Variants in FOXN3 observed in about 807,000 individuals in gnomAD.
FOXN3 encodes forkhead box protein N3.
In FOXN3, 7 loss-of-function variants were observed where a neutral mutation model predicts 38.4. The observed-to-expected ratio is 0.18, with a 90% CI of 0.10 to 0.34. The LOEUF is 0.34. Ranked by LOEUF, FOXN3 falls within the 10% of genes least tolerant of loss-of-function variation. FOXN3 has a pLI of 1.00. For missense variants in FOXN3, 456 were observed against 613.4 expected, an observed-to-expected ratio of 0.74 and a Z score of 2.71; for synonymous variants, 230 against 242.2, an observed-to-expected ratio of 0.95 and a Z score of 0.47.
At chr14:89,370,424 A>G (rs1177523158) in intron 2 of FOXN3, among the ~76,000 whole-genome samples, 1 of 152,236 alleles carries the variant, frequency 6.6e-6, no homozygotes, top group Non-Finnish European at 1.5e-5. Context: ...AGCCCTCTAG[A>G]AATATTTTCA....
chr14:89,212,491 C>A lies in FOXN3; in HGVS notation c.746-31685G>T, dbSNP rs367721509. 3.3e-5 allele frequency among the ~76,000 whole-genome samples: 5 copies of A among 152,290 alleles called. No homozygotes were observed. The East Asian group carries it at 5.8e-4, about 18-fold the overall frequency. On this transcript the variant is annotated intron_variant, in intron 4 of 5. Coordinates refer to ENST00000557258, the MANE Select transcript of FOXN3 (RefSeq NM_005197.4). ...GTTTTCCTGCCGTGACCTCCCAGTG[C>A]CCATTCTCCAGTGCCTGGGTGTCAA...
At chr14:89,189,294 T>C (rs372286729) in intron 4 of FOXN3, among the ~76,000 whole-genome samples, 1 of 152,148 alleles carries the variant, frequency 6.6e-6, no homozygotes, top group African/African-American at 2.4e-5. Flanking sequence ...CTGTGTGAAG[T>C]AGCATCCACT....
intron 1 of FOXN3, among the ~76,000 whole-genome samples, chr14:89,585,764 A>AG (rs1430973690): frequency 1.3e-5 from 2 of 151,818 alleles, no homozygotes; most frequent in African/African-American, 4.8e-5. Flanking sequence ...CTAGAAAAAA[A>AG]AAAAAAAAGA....
intron 1 of FOXN3, among the ~76,000 whole-genome samples, chr14:89,433,214 T>C (rs1165215938): frequency 1.3e-5 from 2 of 151,956 alleles, no homozygotes; most frequent in African/African-American, 4.8e-5. Context: ...CTGGGCACGG[T>C]GGCTCACACC....
chr14:89,317,900 T>C (rs546653681), intron 3 of FOXN3, among the ~76,000 whole-genome samples: 54 of 149,610 alleles, frequency 3.6e-4, no homozygotes, highest in African/African-American at 1.3e-3. Context: ...ACTGCACATG[T>C]GAGGGATCTA....
intron 2 of FOXN3, among the ~76,000 whole-genome samples, chr14:89,369,314 A>G (rs555573818): frequency 6.6e-6 from 1 of 152,330 alleles, no homozygotes; most frequent in Admixed American, 6.5e-5. Context: ...AAACATCTTT[A>G]GTAGCAGTGA....
At chr14:89,450,064 A>G (rs1264297803) in intron 1 of FOXN3, among the ~76,000 whole-genome samples, 3 of 152,204 alleles carry the variant, frequency 2.0e-5, no homozygotes, top group Admixed American at 6.5e-5. Flanking sequence ...CACTTGTTGC[A>G]TGGAGTCAGA....
chr14:89,534,436 A>G (rs911651878), intron 1 of FOXN3, among the ~76,000 whole-genome samples: 1 of 151,848 alleles, frequency 6.6e-6, no homozygotes, highest in Non-Finnish European at 1.5e-5. Flanking sequence ...AACTTTCAAG[A>G]CTCATTTTTC....
intron 4 of FOXN3, among the ~76,000 whole-genome samples, chr14:89,191,948 G>GTATATA (rs566312671): frequency 3.4e-5 from 4 of 117,964 alleles, no homozygotes; most frequent in African/African-American, 1.9e-4. Context: ...ACTGATATTA[G>GTATATA]TATATATATA....
chr14:89,420,128 T>G (rs1466916771), upstream of FOXN3, among the ~76,000 whole-genome samples: 1 of 152,214 alleles, frequency 6.6e-6, no homozygotes, highest in Non-Finnish European at 1.5e-5. Context: ...CAGGTTGGCT[T>G]CCTCTGCTCA....
At chr14:89,328,123 C>T (rs764765535) in intron 3 of FOXN3, among the ~76,000 whole-genome samples, 1 of 152,196 alleles carries the variant, frequency 6.6e-6, no homozygotes, top group East Asian at 1.9e-4. Context: ...TACAGATGAC[C>T]GAAAGCAAGT....
intron 1 of FOXN3, among the ~76,000 whole-genome samples, chr14:89,613,312 C>T (rs1277841088): frequency 1.3e-5 from 2 of 152,108 alleles, no homozygotes; most frequent in African/African-American, 4.8e-5. Flanking sequence ...GTCCTGGTAA[C>T]TGGCATGTAT....
chr14:89,559,008 G>T (rs1194201073), intron 1 of FOXN3, among the ~76,000 whole-genome samples: 2 of 152,152 alleles, frequency 1.3e-5, no homozygotes, highest in Non-Finnish European at 2.9e-5. Context: ...CCAAAGAAAA[G>T]TTTGGAAACA....
chr14:89,606,473 TAAGAA>T (rs1449034584), intron 1 of FOXN3, among the ~76,000 whole-genome samples: 1 of 152,044 alleles, frequency 6.6e-6, no homozygotes, highest in African/African-American at 2.4e-5. Context: ...AAAAAATTGA[TAAGAA>T]AAGAGAATTA....
intron 4 of FOXN3, among the ~76,000 whole-genome samples, chr14:89,220,377 T>C (rs1251867589): frequency 1.3e-5 from 2 of 152,238 alleles, no homozygotes; most frequent in Non-Finnish European, 2.9e-5. Flanking sequence ...TGAGCTGGTG[T>C]GTAGAAAGCA....
At chr14:89,389,635 G>A (rs11848971) in intron 2 of FOXN3, among the ~76,000 whole-genome samples, 3 of 152,116 alleles carry the variant, frequency 2.0e-5, no homozygotes, top group Admixed American at 6.5e-5. Context: ...AGACAAAGAC[G>A]GAAAAACTGG....
intron 4 of FOXN3, among the ~76,000 whole-genome samples, chr14:89,191,089 A>T (rs1887929295): frequency 6.6e-6 from 1 of 152,218 alleles, no homozygotes; most frequent in Admixed American, 6.5e-5. Flanking sequence ...GTAAAAAAAA[A>T]ATACTCATCA....
chr14:89,351,045 A>T (rs1043291954), intron 2 of FOXN3: 3 of 314,990 alleles, frequency 9.5e-6, no homozygotes, highest in Non-Finnish European at 1.7e-5. Flanking sequence ...TGATACAACA[A>T]TATTACAATT....
At chr14:89,506,003 C>T (rs1468469962) in intron 1 of FOXN3, among the ~76,000 whole-genome samples, 1 of 150,996 alleles carries the variant, frequency 6.6e-6, no homozygotes, top group Non-Finnish European at 1.5e-5. Flanking sequence ...GCCTGGCAGC[C>T]ACCCCGTCCG....
Sources: allele counts gnomAD v4.1 joint callset (sites outside exome capture counted in the v4.1 genomes callset), GRCh38; gene constraint gnomAD v4.1.1; transcripts MANE v1.5; gene names NCBI Gene and HGNC (gene_info 2026-07-23, HGNC 2026-07-21).